The following CGNL1 variants were observed in gnomAD, a reference collection of about 807,000 sequenced individuals.
The protein encoded by CGNL1 is cingulin-like protein 1.
A neutral mutation model predicts 141.2 loss-of-function variants in CGNL1; 132 were observed. The observed-to-expected ratio is 0.93, with a 90% CI of 0.81 to 1.08. The LOEUF (loss-of-function observed/expected upper bound fraction) is 1.08, where lower values mean the gene tolerates loss of function less well. Ranked by LOEUF, CGNL1 falls within the 50% of genes least tolerant of loss-of-function variation. CGNL1 has a pLI of 0.00. For synonymous variants in CGNL1, 690 were observed against 622.1 expected, an observed-to-expected ratio of 1.11 and a Z score of -1.63; for missense variants, 1,870 against 1,588.6, an observed-to-expected ratio of 1.18 and a Z score of -3.01.
At chr15:57,409,986 G>T (rs190309309) in intron 1 of CGNL1, among the ~76,000 whole-genome samples, 1 of 152,180 alleles carries the variant, frequency 6.6e-6, no homozygotes, top group African/African-American at 2.4e-5. Context: ...CGATCCTTCT[G>T]TTCTGGAAGA....
At chr15:57,470,549 C>T (rs1005289401) in intron 8 of CGNL1, among the ~76,000 whole-genome samples, 5 of 152,110 alleles carry the variant, frequency 3.3e-5, no homozygotes, top group African/African-American at 9.7e-5. Context: ...CAAGTCACTC[C>T]TGGTGTTTTA....
At chr15:57,523,410 A>G (rs758189568) in intron 10 of CGNL1, 79 bp from the exon 11 acceptor site, 39 of 1,322,412 alleles carry the variant, frequency 2.9e-5, no homozygotes, top group Non-Finnish European at 3.5e-5. Flanking sequence ...CAGTGTGACT[A>G]TGAAGTTCCC....
chr15:57,540,327 A>C (rs2140227426), intron 14 of CGNL1, among the ~76,000 whole-genome samples: 1 of 152,294 alleles, frequency 6.6e-6, no homozygotes, highest in South Asian at 2.1e-4. Flanking sequence ...ATCATGGCTG[A>C]AGGTGAATGA....
chr15:57,489,997 C>A (rs1322874372), intron 8 of CGNL1, among the ~76,000 whole-genome samples: 4 of 152,068 alleles, frequency 2.6e-5, no homozygotes, highest in Admixed American at 2.6e-4. Context: ...TATTTTCAAC[C>A]CTGCTTTGTG....
intron 13 of CGNL1, among the ~76,000 whole-genome samples, chr15:57,530,183 A>T (rs191986270): frequency 6.6e-6 from 1 of 152,258 alleles, no homozygotes; most frequent in African/African-American, 2.4e-5. Flanking sequence ...GCAAGAAGAC[A>T]GTCTTATAAA....
At chr15:57,457,912 CCTT>C (rs2152329254) in intron 7 of CGNL1, among the ~76,000 whole-genome samples, 1 of 152,224 alleles carries the variant, frequency 6.6e-6, no homozygotes, top group South Asian at 2.1e-4. Flanking sequence ...TGCTTCTCAG[CCTT>C]CTTGAGTATG....
chr15:57,470,589 G>A (rs1211358593), intron 8 of CGNL1, among the ~76,000 whole-genome samples: 2 of 152,180 alleles, frequency 1.3e-5, no homozygotes, highest in East Asian at 3.9e-4. Flanking sequence ...CTTGCTGTGG[G>A]TTAGGCTGTA....
intron 1 of CGNL1, among the ~76,000 whole-genome samples, chr15:57,380,981 C>G (rs2152212912): frequency 6.6e-6 from 1 of 152,320 alleles, no homozygotes. Flanking sequence ...CTCATCATAC[C>G]ATGGTTGCTG....
chr15:57,414,884 G>A (rs1825334815), intron 1 of CGNL1, among the ~76,000 whole-genome samples: 1 of 152,164 alleles, frequency 6.6e-6, no homozygotes, highest in African/African-American at 2.4e-5. Flanking sequence ...CATTGTCTAT[G>A]TTTCCGAAGT....
At chr15:57,537,992 G>A (rs995241868) in intron 14 of CGNL1, among the ~76,000 whole-genome samples, 4 of 150,224 alleles carry the variant, frequency 2.7e-5, no homozygotes, top group African/African-American at 7.3e-5. Context: ...CCAAGCCATA[G>A]GTTTTTCCCT....
intron 1 of CGNL1, among the ~76,000 whole-genome samples, chr15:57,403,952 C>A (rs1485608230): frequency 6.6e-6 from 1 of 152,196 alleles, no homozygotes; most frequent in Non-Finnish European, 1.5e-5. Context: ...AAAGGGGCCT[C>A]CCATAGCACT....
At chr15:57,529,424 A>G (rs1404743979) in intron 13 of CGNL1, among the ~76,000 whole-genome samples, 2 of 152,216 alleles carry the variant, frequency 1.3e-5, no homozygotes, top group African/African-American at 2.4e-5. Flanking sequence ...AAAACACCAC[A>G]TATTAGAAAA....
chr15:57,526,903 C>T (rs1237666174), intron 12 of CGNL1, among the ~76,000 whole-genome samples: 2 of 152,084 alleles, frequency 1.3e-5, no homozygotes, highest in Admixed American at 6.5e-5. Context: ...AGGAAGGAAA[C>T]GCAGGCTGCA....
chr15:57,384,319 A>G (rs1441923557), intron 1 of CGNL1, among the ~76,000 whole-genome samples: 1 of 152,148 alleles, frequency 6.6e-6, no homozygotes, highest in Non-Finnish European at 1.5e-5. Context: ...AAATGCTCCC[A>G]TAGCATTTGC....
chr15:57,493,991 C>G (rs2063902107), intron 8 of CGNL1, among the ~76,000 whole-genome samples: 1 of 152,108 alleles, frequency 6.6e-6, no homozygotes, highest in Non-Finnish European at 1.5e-5. Context: ...GGGATGGATT[C>G]ATGTACCACA....
chr15:57,412,320 G>T (rs73417967), intron 1 of CGNL1, among the ~76,000 whole-genome samples: 15,773 of 152,230 alleles, frequency 0.1, 929 homozygotes, highest in Middle Eastern at 0.19. Flanking sequence ...CAGATAAAAC[G>T]CTCAGATAAG....
intron 8 of CGNL1, among the ~76,000 whole-genome samples, chr15:57,465,082 T>A (rs1419713960): frequency 6.6e-6 from 1 of 152,128 alleles, no homozygotes; most frequent in Non-Finnish European, 1.5e-5. Context: ...GGATCCTGAT[T>A]GTGTTTTTTC....
chr15:57,545,943 GT>G, intron 17 of CGNL1, 132 bp from the exon 18 acceptor site: 1 of 1,041,192 alleles, frequency 9.6e-7, no homozygotes, highest in Non-Finnish European at 1.4e-6. Context: ...TGCTCTCCAT[GT>G]TTCCCAAGAG....
chr15:57,530,514 G>T (rs1032537127), intron 13 of CGNL1, among the ~76,000 whole-genome samples: 7 of 152,054 alleles, frequency 4.6e-5, no homozygotes, highest in African/African-American at 7.2e-5. Context: ...TCCTAACGAC[G>T]GACATTTTCT....
Sources: gnomAD v4.1 joint callset for allele counts (sites outside exome capture counted in the v4.1 genomes callset) on GRCh38, gnomAD v4.1.1 for gene constraint, MANE v1.5 for transcripts, NCBI Gene and HGNC (gene_info 2026-07-23, HGNC 2026-07-21) for gene names.